MAGI1: variants seen among roughly 807,000 people sequenced by gnomAD.
MAGI1 encodes the protein membrane-associated guanylate kinase, WW and PDZ domain-containing protein 1.
MAGI1 carries 58 observed loss-of-function variants against 139.9 expected under a neutral mutation model. The observed-to-expected ratio is 0.41, with a 90% confidence interval of 0.34 to 0.52. The LOEUF (loss-of-function observed/expected upper bound fraction) is 0.52. MAGI1 is among the 20% of genes least tolerant of loss of function. The pLI is 0.12. For synonymous variants in MAGI1, 812 were observed against 737.9 expected (o/e 1.10, Z -1.63); for missense variants, 1,874 against 1,901.6 (o/e 0.99, Z 0.27).
chr3:65,450,535 G>A lies in MAGI1; in HGVS notation c.1043-2478C>T, dbSNP rs565695505. Among the ~76,000 whole-genome samples, 4 of 152,278 alleles carry A rather than the reference G, an allele frequency of 2.6e-5. 1 individual carries two copies. The highest frequency in any genetic ancestry group is 4.2e-4 in the South Asian group (2 of 4,818). ...AGACAGGAAACACTTTGTATATTAC[G>A]TAATTTGGGGGGAAAGATCATCAGT... is the stretch of plus-strand genomic sequence containing the variant. On this transcript the variant is annotated intron_variant, in intron 6 of 22. Coordinates refer to ENST00000402939, the MANE Select transcript of MAGI1 (RefSeq NM_001033057.2).
At chr3:65,486,458 T>C (rs1951643161) in intron 3 of MAGI1, among the ~76,000 whole-genome samples, 1 of 152,082 alleles carries the variant, frequency 6.6e-6, no homozygotes, top group Admixed American at 6.6e-5. Flanking sequence ...GTGACCTGTC[T>C]TGCAGAGCAA....
intron 1 of MAGI1, among the ~76,000 whole-genome samples, chr3:65,716,206 G>A (rs1032878812): frequency 6.6e-6 from 1 of 152,174 alleles, no homozygotes; most frequent in Non-Finnish European, 1.5e-5. Context: ...CTAGCCTAAG[G>A]ATCTGGGATA....
intron 9 of MAGI1, among the ~76,000 whole-genome samples, chr3:65,439,616 C>T (rs1264301995): frequency 6.6e-6 from 1 of 152,156 alleles, no homozygotes; most frequent in African/African-American, 2.4e-5. Context: ...ATTTCCTCCC[C>T]CATCAGAAAG....
chr3:65,520,905 T>C lies in MAGI1; in HGVS notation c.431-27274A>G, dbSNP rs560846991. Among the ~76,000 whole-genome samples the C allele has an allele frequency of 6.6e-5, 10 of 152,278 alleles. 1 individual carries two copies. In the South Asian group the frequency reaches 2.1e-3, roughly 32 times the overall value. The stretch of plus-strand genomic sequence containing the variant: ...CCTCAGCAAAATAGCTTTCCAAAAT[T>C]TTAACACTATCACATCTATTTTGGC... On this transcript the variant is annotated intron_variant, in intron 2 of 22. Transcript: ENST00000402939.
chr3:65,411,899 G>A (rs546334901), intron 12 of MAGI1, among the ~76,000 whole-genome samples: 1 of 152,024 alleles, frequency 6.6e-6, no homozygotes, highest in South Asian at 2.1e-4. Context: ...ATCCATCCAA[G>A]TTCATCTCCA....
intron 1 of MAGI1, among the ~76,000 whole-genome samples, chr3:65,704,710 C>T (rs781137901): frequency 4.6e-5 from 7 of 151,916 alleles, no homozygotes; most frequent in Non-Finnish European, 7.4e-5. Flanking sequence ...AATTTGTGTG[C>T]ATTCAAGTGC....
intron 1 of MAGI1, among the ~76,000 whole-genome samples, chr3:65,709,232 G>A (rs1387523911): frequency 1.3e-5 from 2 of 152,208 alleles, no homozygotes; most frequent in African/African-American, 4.8e-5. Flanking sequence ...GAGAAAATAT[G>A]CAGCTCAACA....
At position 65,357,129 on chromosome 3, in the gene MAGI1, G is replaced by A; in HGVS notation, c.3638C>T (p.Pro1213Leu). The A allele has an allele frequency of 6.2e-7, 1 of 1,604,536 alleles. No homozygotes were observed. The highest frequency in any genetic ancestry group is 8.5e-7 in the Non-Finnish European group (1 of 1,174,668). The part of the protein sequence containing the change: ...RGDGSVPEYD[P>L]SSDRHGPATG... ...GGCGGGGCCGTGGCGGTCGCTGCTG[G>A]GGTCTGCCAGGAAAATAAACGAGAG... is the stretch of plus-strand genomic sequence containing the variant. The change falls in exon 23 of 23, where the codon CCC (proline) becomes CTC (leucine). Residue 1213 changes from proline to leucine, a missense_variant. Pro to Leu is a moderately conservative substitution (Grantham distance 98, BLOSUM62 -3). This residue lies in a region of MAGI1 where 653 missense variants were observed against 644.5 expected (regional missense o/e 1.01). Coordinates refer to ENST00000402939, the MANE Select transcript of MAGI1 (RefSeq NM_001033057.2).
intron 16 of MAGI1, among the ~76,000 whole-genome samples, chr3:65,381,437 T>C (rs1575569068): frequency 6.6e-6 from 1 of 152,110 alleles, no homozygotes; most frequent in East Asian, 1.9e-4. Context: ...AAAAAAATCT[T>C]GGTTTAATAC....
chr3:65,564,084 C>T lies in MAGI1; in HGVS notation c.430+57888G>A, dbSNP rs528459210. 5.9e-5 allele frequency among the ~76,000 whole-genome samples: 9 copies of T among 152,166 alleles called. No homozygotes were observed. The East Asian group carries it at 9.7e-4, about 16-fold the overall frequency. ...TATCTCCAGAGGCTGAAAGGGCCAT[C>T]GGAGCTCCTGCATTTACGCTTTCCC... On this transcript the variant is annotated intron_variant, in intron 2 of 22. Transcript: ENST00000402939.
chr3:65,912,101 T>C (rs955613338), intron 1 of MAGI1, among the ~76,000 whole-genome samples: 3 of 152,210 alleles, frequency 2.0e-5, no homozygotes, highest in African/African-American at 7.2e-5. Flanking sequence ...GACATATTTA[T>C]TTTGTCATCT....
At chr3:65,925,611 T>G (rs776002226) in intron 1 of MAGI1, among the ~76,000 whole-genome samples, 2 of 152,186 alleles carry the variant, frequency 1.3e-5, no homozygotes, top group Non-Finnish European at 2.9e-5. Flanking sequence ...GTTAGATTGA[T>G]AAAAATAAAG....
chr3:65,803,329 G>A (rs1229225824), intron 1 of MAGI1, among the ~76,000 whole-genome samples: 1 of 151,922 alleles, frequency 6.6e-6, no homozygotes, highest in East Asian at 1.9e-4. Context: ...AAATATCAAA[G>A]GTTTCTAATT....
At chr3:65,868,453 A>C (rs949166537) in intron 1 of MAGI1, among the ~76,000 whole-genome samples, 10 of 152,216 alleles carry the variant, frequency 6.6e-5, no homozygotes, top group Non-Finnish European at 1.5e-4. Flanking sequence ...GACTCTGAAC[A>C]GAGGGCCTGT....
At chr3:65,940,331 T>A (rs13074333) in intron 1 of MAGI1, among the ~76,000 whole-genome samples, 32,649 of 152,196 alleles carry the variant, frequency 0.21, 4,673 homozygotes, top group Non-Finnish European at 0.3. Flanking sequence ...GAGTCACTTA[T>A]AAATAACAGA....
chr3:65,636,705 C>A (rs2084641132), intron 1 of MAGI1, among the ~76,000 whole-genome samples: 1 of 147,488 alleles, frequency 6.8e-6, no homozygotes, highest in Non-Finnish European at 1.5e-5. Context: ...AAAACACATA[C>A]ACACACACAC....
intron 1 of MAGI1, among the ~76,000 whole-genome samples, chr3:65,670,773 C>G (rs1433967863): frequency 6.6e-6 from 1 of 152,122 alleles, no homozygotes; most frequent in Non-Finnish European, 1.5e-5. Flanking sequence ...TGCCCTGAAA[C>G]TGGGCAAATT....
In MAGI1 at chr3:65,809,283, T is replaced by C. The variant is rs2041066565; in HGVS notation, c.314-187195A>G. On this transcript the variant is annotated intron_variant, in intron 1 of 22. Coordinates refer to ENST00000402939, the MANE Select transcript of MAGI1 (RefSeq NM_001033057.2). ...TCCGGACACTTCAGCAGGTCAAGTG[T>C]AGAAGAAAAATTTAAGACCACTAGG... Among the ~76,000 whole-genome samples, 5 of 152,094 alleles carry C rather than the reference T, an allele frequency of 3.3e-5. No homozygotes were observed. In the South Asian group the frequency reaches 8.3e-4, roughly 25 times the overall value.
chr3:65,933,287 T>C (rs781589272), intron 1 of MAGI1, among the ~76,000 whole-genome samples: 5 of 152,190 alleles, frequency 3.3e-5, no homozygotes, highest in Non-Finnish European at 7.3e-5. Flanking sequence ...CAGGATCTCA[T>C]GTGGTTGCAA....
Sources: gnomAD v4.1 joint callset for allele counts (sites outside exome capture counted in the v4.1 genomes callset) on GRCh38, gnomAD v4.1.1 for gene constraint, gnomAD v4.1.1 regional missense constraint, MANE v1.5 for transcripts, NCBI Gene and HGNC (gene_info 2026-07-23, HGNC 2026-07-21) for gene names.